Variants in AHCYL2 observed in about 807,000 individuals in gnomAD.
AHCYL2 encodes adenosylhomocysteinase like 2.
AHCYL2 carries 28 observed loss-of-function variants against 81.4 expected under a neutral mutation model. That is an observed-to-expected ratio of 0.34 (90% CI 0.25 to 0.47). The LOEUF (loss-of-function observed/expected upper bound fraction) is 0.47. Among genes scored for constraint, AHCYL2 ranks in the 20% least tolerant of loss-of-function variants. The pLI is 1.00. For synonymous variants in AHCYL2, 272 were observed against 290.2 expected, an observed-to-expected ratio of 0.94 and a Z score of 0.64; for missense variants, 551 against 785.1, an observed-to-expected ratio of 0.70 and a Z score of 3.56.
intron 8 of AHCYL2, chr7:129,405,591 T>C: frequency 2.3e-6 from 1 of 432,172 alleles, no homozygotes; most frequent in Non-Finnish European, 4.0e-6. Context: ...TTATTTAACC[T>C]TCCTGTCTGG....
At chr7:129,344,055 G>A (rs1432544811) in intron 1 of AHCYL2, among the ~76,000 whole-genome samples, 1 of 152,152 alleles carries the variant, frequency 6.6e-6, no homozygotes, top group African/African-American at 2.4e-5. Context: ...CACGAGAGAA[G>A]TGCAAATTAA....
intron 1 of AHCYL2, among the ~76,000 whole-genome samples, chr7:129,262,428 G>C (rs1307609841): frequency 6.6e-6 from 1 of 152,178 alleles, no homozygotes; most frequent in Admixed American, 6.5e-5. Context: ...TGATCCAAGG[G>C]TGGAGTTTTT....
chr7:129,357,983 C>A lies in AHCYL2; in HGVS notation c.364-21655C>A, dbSNP rs546347761. ...GCCTCAAATAGATATTTGCACATCA[C>A]TGTTGATACCAGCACTGTTCACAGT... On this transcript the variant is annotated intron_variant, in intron 1 of 16. Transcript: ENST00000325006. Among the ~76,000 whole-genome samples the A allele has an allele frequency of 2.0e-5, 3 of 151,410 alleles. No homozygotes were observed. The East Asian group carries it at 5.9e-4, about 30-fold the overall frequency.
At chr7:129,357,470 A>G (rs1023069562) in intron 1 of AHCYL2, among the ~76,000 whole-genome samples, 2 of 152,244 alleles carry the variant, frequency 1.3e-5, no homozygotes, top group Admixed American at 6.5e-5. Context: ...AGCAAGCCAC[A>G]GAGGGAGAGA....
chr7:129,370,796 T>C (rs1401340830), intron 1 of AHCYL2, among the ~76,000 whole-genome samples: 2 of 152,228 alleles, frequency 1.3e-5, no homozygotes, highest in African/African-American at 4.8e-5. Context: ...TCAGCCATTC[T>C]CTCTTAAATA....
At chr7:129,335,886 T>G (rs976443315) in intron 1 of AHCYL2, among the ~76,000 whole-genome samples, 4 of 152,134 alleles carry the variant, frequency 2.6e-5, no homozygotes, top group African/African-American at 9.7e-5. Flanking sequence ...ATGCCCAGAT[T>G]CAAGGGGACA....
In AHCYL2 at chr7:129,406,007, T is replaced by G; in HGVS notation, c.1206+108T>G. On this transcript the variant is annotated intron_variant, in intron 9 of 16. Coordinates refer to ENST00000325006, the MANE Select transcript of AHCYL2 (RefSeq NM_015328.4). This position sits in a 1 kb window ranked among gnomAD's most constrained non-coding sequence, Gnocchi z 4.3. The stretch of plus-strand genomic sequence containing the variant: ...TGAGTACACCCTTTACCACTTTAGA[T>G]GAGAAAAAGAATTTCAGAGGCCTTC... 1 of 1,043,474 alleles carries G rather than the reference T, an allele frequency of 9.6e-7. No homozygotes were observed. The highest frequency in any genetic ancestry group is 1.4e-6 in the Non-Finnish European group (1 of 713,008). The allele number at this position is 1,043,474 out of a possible 1,614,324, so 64.6% of individuals were successfully genotyped here.
intron 1 of AHCYL2, among the ~76,000 whole-genome samples, chr7:129,284,894 C>A (rs1796574435): frequency 6.6e-6 from 1 of 151,936 alleles, no homozygotes; most frequent in Non-Finnish European, 1.5e-5. Context: ...TAGAATAATC[C>A]AAGTTTTATT....
chr7:129,383,062 A>G (rs951706878), intron 2 of AHCYL2, among the ~76,000 whole-genome samples: 3 of 152,094 alleles, frequency 2.0e-5, no homozygotes, highest in Non-Finnish European at 2.9e-5. Flanking sequence ...TTTGATTCTC[A>G]TATTTTATCC....
At chr7:129,269,247 T>C (rs1795919380) in intron 1 of AHCYL2, among the ~76,000 whole-genome samples, 1 of 151,602 alleles carries the variant, frequency 6.6e-6, no homozygotes, top group South Asian at 2.1e-4. Flanking sequence ...ATCAGCCTAC[T>C]GAGTCCTACT....
chr7:129,250,605 G>T (rs1364784692), intron 1 of AHCYL2, among the ~76,000 whole-genome samples: 1 of 152,112 alleles, frequency 6.6e-6, no homozygotes, highest in Non-Finnish European at 1.5e-5. Context: ...TGTTTGCCTT[G>T]TTTCCGATTT....
chr7:129,338,573 G>A (rs1434770333), intron 1 of AHCYL2, among the ~76,000 whole-genome samples: 3 of 152,208 alleles, frequency 2.0e-5, no homozygotes, highest in Non-Finnish European at 4.4e-5. Flanking sequence ...TTAGCACTGT[G>A]TTATCAGACT....
At chr7:129,386,373 T>G (rs996298828) in intron 2 of AHCYL2, among the ~76,000 whole-genome samples, 3 of 151,630 alleles carry the variant, frequency 2.0e-5, no homozygotes. Flanking sequence ...TGAGGCAGGA[T>G]AATTGCTTGA....
chr7:129,361,767 A>G (rs1793937924), intron 1 of AHCYL2, among the ~76,000 whole-genome samples: 1 of 150,734 alleles, frequency 6.6e-6, no homozygotes, highest in African/African-American at 2.4e-5. Flanking sequence ...CCAGGACTGT[A>G]GGCGCACACC....
intron 4 of AHCYL2, among the ~76,000 whole-genome samples, chr7:129,390,500 G>A (rs1224649110): frequency 6.6e-6 from 1 of 152,166 alleles, no homozygotes; most frequent in Non-Finnish European, 1.5e-5. Context: ...ACAACAGACT[G>A]TAATAAAAGT....
chr7:129,335,373 T>TA (rs757453356), intron 1 of AHCYL2, among the ~76,000 whole-genome samples: 2,575 of 123,088 alleles, frequency 0.021, 55 homozygotes, highest in African/African-American at 0.063. Context: ...AGACCCTGTC[T>TA]AAAAAAAAAA....
intron 1 of AHCYL2, among the ~76,000 whole-genome samples, chr7:129,273,194 G>A (rs372357339): frequency 3.3e-5 from 5 of 151,986 alleles, no homozygotes; most frequent in South Asian, 2.1e-4. Context: ...GAGCCACTGC[G>A]CCTAGCCTGA....
At chr7:129,391,132 G>C (rs1018700596) in intron 4 of AHCYL2, among the ~76,000 whole-genome samples, 1 of 152,128 alleles carries the variant, frequency 6.6e-6, no homozygotes, top group Non-Finnish European at 1.5e-5. Context: ...ATTTGAAATA[G>C]TATTATTTGA....
At chr7:129,254,684 A>G (rs888862725) in intron 1 of AHCYL2, among the ~76,000 whole-genome samples, 1 of 152,212 alleles carries the variant, frequency 6.6e-6, no homozygotes, top group Non-Finnish European at 1.5e-5. Context: ...TAAGCTGTGG[A>G]TCACTTTGGC....
Sources: allele counts gnomAD v4.1 joint callset (sites outside exome capture counted in the v4.1 genomes callset), GRCh38; gene constraint gnomAD v4.1.1; non-coding constraint Gnocchi (gnomAD v3.1); transcripts MANE v1.5; gene names NCBI Gene and HGNC (gene_info 2026-07-23, HGNC 2026-07-21).